Variants in OSTF1 observed in about 807,000 individuals in gnomAD.
The protein encoded by OSTF1 is osteoclast stimulating factor 1, also known as osteoclast-stimulating factor 1.
A neutral mutation model predicts 37.2 loss-of-function variants in OSTF1; 27 were observed. That is an observed-to-expected ratio of 0.73 (90% CI 0.54 to 1.00). OSTF1 has a LOEUF of 1.00. Among genes scored for constraint, OSTF1 ranks in the 50% least tolerant of loss-of-function variants. The probability of loss-of-function intolerance (pLI) is 0.00; values close to 1 mark genes in which losing one functional copy is unlikely to be tolerated. For synonymous variants in OSTF1, 82 were observed against 89.2 expected (o/e 0.92, Z 0.46); for missense variants, 232 against 253.8 (o/e 0.91, Z 0.58).
chr9:75,115,963 G>A (rs941212223), intron 1 of OSTF1, among the ~76,000 whole-genome samples: 1 of 152,082 alleles, frequency 6.6e-6, no homozygotes, highest in African/African-American at 2.4e-5. Flanking sequence ...AATTAGCTGG[G>A]TATGGTGGCA....
chr9:75,112,017 G>A (rs576000763), intron 1 of OSTF1, among the ~76,000 whole-genome samples: 12 of 151,200 alleles, frequency 7.9e-5, no homozygotes, highest in African/African-American at 2.9e-4. Flanking sequence ...TAGAGGTGGG[G>A]TTTCACCAAG....
At chr9:75,140,607 C>T (rs1825926078) in intron 8 of OSTF1, among the ~76,000 whole-genome samples, 1 of 152,190 alleles carries the variant, frequency 6.6e-6, no homozygotes, top group African/African-American at 2.4e-5. Context: ...TATAGGGACT[C>T]AAAAGGTTCG....
chr9:75,130,500 C>T, intron 3 of OSTF1, 78 bp from the exon 4 acceptor site: 1 of 965,994 alleles, frequency 1.0e-6, no homozygotes. Flanking sequence ...CAGGTACTCC[C>T]TAGGAGCTAG....
At chr9:75,124,388 G>T (rs997216595) in intron 2 of OSTF1, among the ~76,000 whole-genome samples, 1 of 151,594 alleles carries the variant, frequency 6.6e-6, no homozygotes, top group African/African-American at 2.4e-5. Flanking sequence ...AATTTTTTTT[G>T]TACCCATTAA....
chr9:75,129,498 A>C (rs1825730772), intron 3 of OSTF1, among the ~76,000 whole-genome samples: 1 of 152,224 alleles, frequency 6.6e-6, no homozygotes, highest in Non-Finnish European at 1.5e-5. Flanking sequence ...TAACATTACA[A>C]AAAGAAGCCG....
At chr9:75,109,674 C>T (rs1215108516) in intron 1 of OSTF1, among the ~76,000 whole-genome samples, 1 of 152,122 alleles carries the variant, frequency 6.6e-6, no homozygotes, top group South Asian at 2.1e-4. Context: ...TTTTTGTATG[C>T]AATATTTTCT....
chr9:75,138,405 A>G (rs2118615551), intron 8 of OSTF1, among the ~76,000 whole-genome samples: 1 of 152,338 alleles, frequency 6.6e-6, no homozygotes, highest in East Asian at 1.9e-4. Flanking sequence ...TGCCCTGTAA[A>G]GGGTATACTG....
At chr9:75,111,038 A>T (rs1384349799) in intron 1 of OSTF1, among the ~76,000 whole-genome samples, 1 of 152,030 alleles carries the variant, frequency 6.6e-6, no homozygotes, top group African/African-American at 2.4e-5. Context: ...TTTTAATGAT[A>T]TCTGAGTGGC....
intron 1 of OSTF1, among the ~76,000 whole-genome samples, chr9:75,115,076 G>C (rs1488575136): frequency 6.6e-6 from 1 of 152,152 alleles, no homozygotes; most frequent in East Asian, 1.9e-4. Context: ...GGATTTATAA[G>C]TTGTATGTAT....
intron 1 of OSTF1, among the ~76,000 whole-genome samples, chr9:75,103,201 G>A (rs1316040965): frequency 6.6e-6 from 1 of 152,218 alleles, no homozygotes; most frequent in Admixed American, 6.5e-5. Flanking sequence ...TTTGAGGCAG[G>A]AGGTTTAGGA....
chr9:75,098,083 C>T (rs1376087248), intron 1 of OSTF1, among the ~76,000 whole-genome samples: 1 of 152,128 alleles, frequency 6.6e-6, no homozygotes, highest in Non-Finnish European at 1.5e-5. Flanking sequence ...GTTTCTTCAT[C>T]TCATGCTAAA....
At chr9:75,127,094 G>A (rs140065700) in intron 2 of OSTF1, among the ~76,000 whole-genome samples, 2 of 152,264 alleles carry the variant, frequency 1.3e-5, no homozygotes, top group East Asian at 1.9e-4. Context: ...AACATGAAGA[G>A]CTAGGATAAT....
chr9:75,128,414 C>CATAT (rs1326846136), intron 3 of OSTF1, among the ~76,000 whole-genome samples: 1 of 11,404 alleles, frequency 8.8e-5, no homozygotes, highest in Non-Finnish European at 1.9e-4. Context: ...ATATTTTGTC[C>CATAT]ATATATATAT....
Position 75,088,515 on chromosome 9 carries a change from C to T in OSTF1, c.-178C>T, listed in dbSNP as rs73544571. 0.31 allele frequency: 205,035 copies of T among 660,364 alleles called. 34,345 individuals carry two copies. The highest frequency in any genetic ancestry group is 0.45 in the East Asian group (15,895 of 35,196). The allele number at this position is 660,364 out of a possible 1,614,324, so 40.9% of individuals were successfully genotyped here. On this transcript the variant is annotated 5_prime_UTR_variant, in exon 1 of 10. Transcript: ENST00000346234. ...GGCGGCCGCGGGGCGGGGCGGAGCACTCGGCGGAGCCGCTCTGCCTGCGTC... is the reference window on the plus strand; with the variant it reads ...GGCGGCCGCGGGGCGGGGCGGAGCATTCGGCGGAGCCGCTCTGCCTGCGTC...
intron 1 of OSTF1, among the ~76,000 whole-genome samples, chr9:75,097,881 AG>A (rs1339550927): frequency 6.7e-6 from 1 of 148,982 alleles, no homozygotes; most frequent in African/African-American, 2.5e-5. Context: ...CTTTGAGGCA[AG>A]GGTCTGGCTC....
intron 7 of OSTF1, among the ~76,000 whole-genome samples, chr9:75,136,368 A>G (rs62572166): frequency 0.041 from 6,248 of 152,164 alleles, 136 homozygotes; most frequent in Middle Eastern, 0.065. Context: ...GCTTTCCACG[A>G]ACACTTGGTG....
At chr9:75,143,528 G>A (rs1825977024) in intron 9 of OSTF1, among the ~76,000 whole-genome samples, 1 of 152,116 alleles carries the variant, frequency 6.6e-6, no homozygotes, top group Non-Finnish European at 1.5e-5. Flanking sequence ...CTGCCCGTTC[G>A]TGAACTTTAT....
intron 8 of OSTF1, 40 bp from the exon 9 acceptor site, chr9:75,140,792 AGT>A: frequency 7.1e-7 from 1 of 1,405,492 alleles, no homozygotes; most frequent in South Asian, 1.2e-5. Flanking sequence ...ACTACTATAT[AGT>A]CTTCAAAGAC....
intron 9 of OSTF1, among the ~76,000 whole-genome samples, chr9:75,146,156 AT>A (rs1394890839): frequency 6.6e-6 from 1 of 152,226 alleles, no homozygotes; most frequent in Non-Finnish European, 1.5e-5. Flanking sequence ...TTGCTTGAAC[AT>A]TTGATGGGGT....
Sources: allele counts gnomAD v4.1 joint callset (sites outside exome capture counted in the v4.1 genomes callset), GRCh38; gene constraint gnomAD v4.1.1; transcripts MANE v1.5; gene names NCBI Gene and HGNC (gene_info 2026-07-23, HGNC 2026-07-21).